The following IFT140 variants were observed in gnomAD, a reference collection of about 807,000 sequenced individuals.
IFT140 encodes the protein intraflagellar transport 140.
A neutral mutation model predicts 164.6 loss-of-function variants in IFT140; 133 were observed. That is an observed-to-expected ratio of 0.81 (90% confidence interval 0.70 to 0.93). The LOEUF (loss-of-function observed/expected upper bound fraction) is 0.93, where lower values mean the gene tolerates loss of function less well. Ranked by LOEUF, IFT140 falls within the 40% of genes least tolerant of loss-of-function variation. The pLI is 0.00. For synonymous variants in IFT140, 860 were observed against 817.3 expected, an observed-to-expected ratio of 1.05 and a Z score of -0.89; for missense variants, 2,045 against 1,972.3, an observed-to-expected ratio of 1.04 and a Z score of -0.70.
At chr16:1,604,317 G>GTGTGTGTGTGTGTGTGTGTGTGTGTGTGT (rs10701132) in intron 3 of IFT140, 3 of 124,972 alleles carry the variant, frequency 2.4e-5, no homozygotes, top group South Asian at 2.5e-4. Context: ...GTGTGTGTGT[G>GTGTGTGTGTGTGTGTGTGTGTGTGTGTGT]GAGGGGGGAG....
intron 4 of IFT140, among the ~76,000 whole-genome samples, chr16:1,599,621 C>T (rs1236543787): frequency 1.5e-5 from 1 of 68,872 alleles, no homozygotes; most frequent in African/African-American, 8.3e-5. Context: ...CCCCTCTGCC[C>T]GGCCAGCCGC....
intron 4 of IFT140, among the ~76,000 whole-genome samples, chr16:1,600,476 A>C (rs1315517209): frequency 6.6e-6 from 1 of 151,782 alleles, no homozygotes; most frequent in Non-Finnish European, 1.5e-5. Context: ...AAAAAAAAAA[A>C]ATGTACACAG....
At chr16:1,548,498 A>G (rs946000823) in intron 19 of IFT140, among the ~76,000 whole-genome samples, 16 of 152,242 alleles carry the variant, frequency 1.1e-4, no homozygotes, top group African/African-American at 3.9e-4. Flanking sequence ...ATGAAATGGA[A>G]TTGATTCCAT....
chr16:1,609,885 G>C (rs1410725915), intron 2 of IFT140: 1 of 152,170 alleles, frequency 6.6e-6, no homozygotes, highest in Non-Finnish European at 1.5e-5. Flanking sequence ...CCAGTCTCTG[G>C]AACATAAAAC....
At chr16:1,552,354 G>A (rs937747745) in intron 19 of IFT140, among the ~76,000 whole-genome samples, 53 of 151,832 alleles carry the variant, frequency 3.5e-4, no homozygotes, top group Non-Finnish European at 6.5e-4. Context: ...CCTCCCGCTC[G>A]CCTCTGTCTC....
chr16:1,589,653 C>T lies in IFT140; in HGVS notation c.762G>A (p.Leu254=). Residue 254 remains leucine (L), a synonymous_variant, in exon 7 of 31, where the codon CTG becomes CTA. Coordinates refer to ENST00000426508, the MANE Select transcript of IFT140 (RefSeq NM_014714.4). ...CCTCAGGAGGCACCGTGTACAGGGA[C>T]AGCCGGAGGTTCTCTGTGACCACCA... ...ALVVVTENLR[L]SLYTVPPEGK... 6.2e-7 allele frequency: 1 copy of T among 1,614,170 alleles called. No homozygotes were observed. The highest frequency in any genetic ancestry group is 1.1e-5 in the South Asian group (1 of 91,082).
At chr16:1,539,760 G>A (rs2031448444) in intron 19 of IFT140, among the ~76,000 whole-genome samples, 1 of 152,222 alleles carries the variant, frequency 6.6e-6, no homozygotes, top group African/African-American at 2.4e-5. Context: ...TGTCAGTGGT[G>A]CCTGCCTGTC....
rs568853020 is a variant in IFT140 at position 1,553,833 on chromosome 16, G to A, written c.2399+4102C>T. ...CTGGATTAGGACGCCCGGCTCCATC[G>A]CTGCGGCCACAGTGTCCTGTTATCC... On this transcript the variant is annotated intron_variant, in intron 19 of 30. Transcript: ENST00000426508. The surrounding 1 kb of genome is among the most constrained non-coding windows in gnomAD (Gnocchi z 4.4). The A allele has an allele frequency of 1.1e-5, 13 of 1,209,754 alleles. No homozygotes were observed. The highest frequency in any genetic ancestry group is 1.6e-5 in the African/African-American group (1 of 63,302). The allele number at this position is 1,209,754 out of a possible 1,614,324, so 74.9% of individuals were successfully genotyped here. A position where few individuals can be genotyped will look rare whatever the true frequency, so the allele number is the denominator to read the frequency against.
In IFT140 at chr16:1,555,156, G is replaced by A. The variant is rs547273004; in HGVS notation, c.2399+2779C>T. 24 of 1,184,862 alleles carry A rather than the reference G, an allele frequency of 2.0e-5. No homozygotes were observed. The Admixed American group carries it at 2.1e-4, about 10-fold the overall frequency. 73.4% of individuals were successfully genotyped at this position (1,184,862 alleles called of 1,614,324 possible). On this transcript the variant is annotated intron_variant, in intron 19 of 30. Transcript: ENST00000426508. ...CGGGATGAGTCTGGGTGACCTCTGC[G>A]CCATGCGTGCGAGACACGTGTGCGT...
At chr16:1,604,287 G>GTGTGTGTC (rs2142063383) in intron 3 of IFT140, 1 of 133,616 alleles carries the variant, frequency 7.5e-6, no homozygotes, top group South Asian at 2.4e-4. Context: ...GTGTGTGTGT[G>GTGTGTGTC]TGTGTGTGTG....
At chr16:1,511,648 C>T (rs1047228940) in intron 30 of IFT140, among the ~76,000 whole-genome samples, 2 of 152,094 alleles carry the variant, frequency 1.3e-5, no homozygotes, top group Non-Finnish European at 2.9e-5. Flanking sequence ...TGGCCCCTCC[C>T]ATCACCTGGC....
intron 13 of IFT140, chr16:1,580,451 T>C (rs2034496859): frequency 3.9e-6 from 1 of 258,764 alleles, no homozygotes; most frequent in Non-Finnish European, 7.5e-6. Context: ...GTTTAGAGTG[T>C]GGCCCCTCCC....
At chr16:1,540,425 C>T (rs766316104) in intron 19 of IFT140, among the ~76,000 whole-genome samples, 3 of 152,244 alleles carry the variant, frequency 2.0e-5, no homozygotes, top group Non-Finnish European at 4.4e-5. Flanking sequence ...GCCCCGTGCA[C>T]GCGTGAACCT....
Position 1,524,682 on chromosome 16 carries a change from G to C in IFT140, c.3011C>G (p.Ala1004Gly), listed in dbSNP as rs760349880. The C allele has an allele frequency of 1.3e-6, 2 of 1,574,674 alleles. No individual in the cohort carries two copies. ...QGNVQKAAQI[A>G]NETGNLAASY... Reference sequence around the variant, plus strand: ...GGCCGCCAGGTTTCCTGTCTCGTTGGCTATTTGCGCAGCCTAGAAAGACAA... The same window carrying C: ...GGCCGCCAGGTTTCCTGTCTCGTTGCCTATTTGCGCAGCCTAGAAAGACAA... The change falls in exon 24 of 31, where the codon GCC (alanine) becomes GGC (glycine). Residue 1004 changes from alanine to glycine, a missense_variant. Coordinates refer to ENST00000426508, the MANE Select transcript of IFT140 (RefSeq NM_014714.4).
Position 1,587,980 on chromosome 16 carries a change from CA to C in IFT140, c.854del (p.Leu285Ter). The C allele has an allele frequency of 2.5e-6, 4 of 1,613,852 alleles. No homozygotes were observed. The highest frequency in any genetic ancestry group is 3.4e-6 in the Non-Finnish European group (4 of 1,179,900). On this transcript the variant is annotated frameshift_variant, in exon 8 of 31. Coordinates refer to ENST00000426508, the MANE Select transcript of IFT140 (RefSeq NM_014714.4). LOFTEE classifies it high-confidence loss of function. ...CCATCACGAGAAGGCTGCCTTCAATCAAAGCGATGTCTGCCCGGCGGCCGGT... is the reference window on the plus strand; with the variant it reads ...CCATCACGAGAAGGCTGCCTTCAATCAAGCGATGTCTGCCCGGCGGCCGGT... ...GKTGRRADIA[L>X]IEGSLLVMAV...
At chr16:1,584,553 T>A in intron 10 of IFT140, 133 bp from the exon 11 acceptor site, 1 of 711,454 alleles carries the variant, frequency 1.4e-6, no homozygotes, top group Non-Finnish European at 2.3e-6. Context: ...ACTTAAAAAA[T>A]GATCTTATAA....
At chr16:1,525,396 G>T in intron 21 of IFT140, 70 bp from the exon 22 acceptor site, 1 of 1,171,524 alleles carries the variant, frequency 8.5e-7, no homozygotes, top group South Asian at 1.2e-5. Flanking sequence ...GTGGGCTGAG[G>T]GGCAGCGTCG....
chr16:1,511,063 G>A lies in IFT140; in HGVS notation c.4270C>T (p.His1424Tyr). ...YVSPQAVDAV[H>Y]RGLGLPLPRT... Reference sequence around the variant, plus strand: ...GGCAGTGGGAGACCCAGCCCCCGGTGCACGGCGTCCACGGCCTGCGGGCTC... The same window carrying A: ...GGCAGTGGGAGACCCAGCCCCCGGTACACGGCGTCCACGGCCTGCGGGCTC... Residue 1424 changes from histidine to tyrosine, a missense_variant, in exon 31 of 31, where the codon CAC (histidine) becomes TAC (tyrosine). Transcript: ENST00000426508. 1.9e-6 allele frequency: 3 copies of A among 1,608,096 alleles called. No homozygotes were observed. The highest frequency in any genetic ancestry group is 8.5e-7 in the Non-Finnish European group (1 of 1,177,360).
At chr16:1,585,088 G>T (rs182768279) in intron 10 of IFT140, among the ~76,000 whole-genome samples, 1 of 152,308 alleles carries the variant, frequency 6.6e-6, no homozygotes, top group Admixed American at 6.5e-5. Flanking sequence ...GAAATCATAA[G>T]AAAGAACCAA....
Sources: gnomAD v4.1 joint callset for allele counts (sites outside exome capture counted in the v4.1 genomes callset) on GRCh38, gnomAD v4.1.1 for gene constraint, Gnocchi (gnomAD v3.1) non-coding constraint, MANE v1.5 for transcripts, NCBI Gene and HGNC (gene_info 2026-07-23, HGNC 2026-07-21) for gene names.